The following CFAP20DC variants were observed in gnomAD, a reference collection of about 807,000 sequenced individuals.
The protein encoded by CFAP20DC is CFAP20 domain containing, also known as protein CFAP20DC.
CFAP20DC carries 84 observed loss-of-function variants against 101.7 expected under a neutral mutation model. The observed-to-expected ratio is 0.83, with a 90% CI of 0.69 to 0.99. The LOEUF is 0.99. CFAP20DC is among the 50% of genes least tolerant of loss of function. The pLI is 0.00. For missense variants in CFAP20DC, 1,007 were observed against 970.3 expected, an observed-to-expected ratio of 1.04 and a Z score of -0.50; for synonymous variants, 359 against 351.2, an observed-to-expected ratio of 1.02 and a Z score of -0.25.
chr3:58,739,900 AAAGGGGATAAT>A (rs1312395866), downstream of CFAP20DC, among the ~76,000 whole-genome samples: 8 of 152,202 alleles, frequency 5.3e-5, no homozygotes, highest in South Asian at 1.0e-3. Context: ...GAAGCTATAA[AAAGGGGATAAT>A]AAGACCTTGT....
intron 14 of CFAP20DC, among the ~76,000 whole-genome samples, chr3:58,814,636 G>C (rs1001668759): frequency 6.6e-6 from 1 of 151,162 alleles, no homozygotes; most frequent in Non-Finnish European, 1.5e-5. Context: ...ATCTCCTTAA[G>C]CTGATAATCA....
intron 13 of CFAP20DC, among the ~76,000 whole-genome samples, chr3:58,834,144 T>C (rs1251906117): frequency 6.6e-6 from 1 of 152,198 alleles, no homozygotes; most frequent in Non-Finnish European, 1.5e-5. Flanking sequence ...ATCTTGTGAA[T>C]ATACTAAGAA....
At chr3:58,917,388 A>G (rs1410431696) in intron 5 of CFAP20DC, among the ~76,000 whole-genome samples, 1 of 152,184 alleles carries the variant, frequency 6.6e-6, no homozygotes, top group Non-Finnish European at 1.5e-5. Context: ...ATTACTATAG[A>G]AAAGATCTCA....
rs2067934635 is a variant in CFAP20DC at position 58,742,573 on chromosome 3, C to T, written c.2333-1G>A. On this transcript the variant is annotated splice_acceptor_variant, in intron 16 of 16. Transcript: ENST00000482387. LOFTEE classifies it high-confidence loss of function. ...TCTTCCACACTGAGGTCTTCTTCAC[C>T]TGTGGGGAAGGGGAACCACAGACAC... The T allele has an allele frequency of 6.3e-7, 1 of 1,596,930 alleles. No homozygotes were observed. Among genetic ancestry groups the T allele is most frequent in the Non-Finnish European group, 8.5e-7 (1 of 1,171,164 alleles).
intron 6 of CFAP20DC, among the ~76,000 whole-genome samples, 198 bp from the exon 7 acceptor site, chr3:58,884,907 T>C (rs1018792945): frequency 1.3e-5 from 2 of 152,170 alleles, no homozygotes; most frequent in Non-Finnish European, 2.9e-5. Flanking sequence ...GTAGACATGA[T>C]TAAATGAGAT....
chr3:58,929,451 C>A (rs2086342977), intron 5 of CFAP20DC, among the ~76,000 whole-genome samples: 1 of 152,154 alleles, frequency 6.6e-6, no homozygotes, highest in South Asian at 2.1e-4. Context: ...AAGAATCTTA[C>A]ATGAATAAGG....
chr3:58,946,661 G>C (rs1189192985), intron 4 of CFAP20DC, among the ~76,000 whole-genome samples: 1 of 152,076 alleles, frequency 6.6e-6, no homozygotes, highest in Non-Finnish European at 1.5e-5. Flanking sequence ...AAAATGTGCA[G>C]GACAGAAACC....
intron 4 of CFAP20DC, among the ~76,000 whole-genome samples, chr3:58,982,322 A>G (rs2092585598): frequency 6.6e-6 from 1 of 152,170 alleles, no homozygotes. Context: ...AGGGATCTAG[A>G]ACTAGAAATA....
At chr3:58,986,528 C>G (rs144873447) in intron 4 of CFAP20DC, among the ~76,000 whole-genome samples, 131 of 152,226 alleles carry the variant, frequency 8.6e-4, no homozygotes, top group African/African-American at 2.6e-3. Context: ...CAAAAACAAA[C>G]TAGCAAAAAA....
At chr3:59,019,377 C>T (rs1402896397) in intron 4 of CFAP20DC, among the ~76,000 whole-genome samples, 1 of 151,830 alleles carries the variant, frequency 6.6e-6, no homozygotes. Flanking sequence ...CGAGTTCTGG[C>T]CAGGGGAACA....
intron 3 of CFAP20DC, among the ~76,000 whole-genome samples, chr3:58,736,069 A>G (rs1464594622): frequency 6.6e-6 from 1 of 152,190 alleles, no homozygotes; most frequent in Non-Finnish European, 1.5e-5. Context: ...GGTGAATTGA[A>G]AAGATATTAT....
intron 14 of CFAP20DC, among the ~76,000 whole-genome samples, chr3:58,819,208 A>G (rs1458417988): frequency 1.3e-5 from 2 of 151,118 alleles, no homozygotes; most frequent in Non-Finnish European, 2.9e-5. Flanking sequence ...CAAAATTGAC[A>G]CCCTAACATC....
chr3:58,858,771 G>T (rs1354927522), intron 12 of CFAP20DC, among the ~76,000 whole-genome samples: 1 of 152,128 alleles, frequency 6.6e-6, no homozygotes, highest in East Asian at 1.9e-4. Context: ...GGAGTTTTTA[G>T]TTTTGTCCAT....
At chr3:58,817,199 A>G (rs2075256616) in intron 14 of CFAP20DC, among the ~76,000 whole-genome samples, 2 of 152,202 alleles carry the variant, frequency 1.3e-5, no homozygotes, top group Non-Finnish European at 2.9e-5. Context: ...AAAAAACAGA[A>G]CAGAAAAACT....
intron 13 of CFAP20DC, among the ~76,000 whole-genome samples, chr3:58,834,483 A>G (rs2076605731): frequency 6.6e-6 from 1 of 152,316 alleles, no homozygotes; most frequent in African/African-American, 2.4e-5. Context: ...CATTCATTCA[A>G]TTTACTTATT....
chr3:58,808,207 CA>C lies in CFAP20DC; in HGVS notation c.2176-1752del, dbSNP rs2074277189. ...GGCTAACATTCAGATTCAGGAAATA[CA>C]GAGAACGCCACAAAGACACTCCTCC... On this transcript the variant is annotated intron_variant, in intron 14 of 16. Coordinates refer to ENST00000482387, the MANE Select transcript of CFAP20DC (RefSeq NM_001394063.1). Among the ~76,000 whole-genome samples the C allele has an allele frequency of 3.9e-5, 6 of 152,268 alleles. No individual in the cohort carries two copies. The South Asian group carries it at 1.2e-3, about 32-fold the overall frequency.
At chr3:58,805,710 G>A (rs2074005828) in intron 15 of CFAP20DC, among the ~76,000 whole-genome samples, 1 of 152,086 alleles carries the variant, frequency 6.6e-6, no homozygotes, top group Non-Finnish European at 1.5e-5. Flanking sequence ...AATTTATATG[G>A]ATAAACTAGC....
At chr3:58,807,334 C>T (rs1306205453) in intron 14 of CFAP20DC, among the ~76,000 whole-genome samples, 3 of 152,198 alleles carry the variant, frequency 2.0e-5, no homozygotes, top group African/African-American at 7.2e-5. Context: ...GGCAGACTGA[C>T]ACTTCACACG....
At chr3:58,959,344 T>C (rs1220163369) in intron 4 of CFAP20DC, among the ~76,000 whole-genome samples, 2 of 152,246 alleles carry the variant, frequency 1.3e-5, no homozygotes, top group East Asian at 3.8e-4. Flanking sequence ...TACACCTGCC[T>C]CAGCCTCCCA....
Sources: gnomAD v4.1 joint callset for allele counts (sites outside exome capture counted in the v4.1 genomes callset) on GRCh38, gnomAD v4.1.1 for gene constraint, MANE v1.5 for transcripts, NCBI Gene and HGNC (gene_info 2026-07-23, HGNC 2026-07-21) for gene names.